Variants in RAB3C observed in about 807,000 individuals in gnomAD.
RAB3C encodes ras-related protein Rab-3C.
Under a neutral mutation model 26.4 loss-of-function variants are expected in RAB3C, and 17 were observed. That is an observed-to-expected ratio of 0.64 (90% CI 0.44 to 0.97). RAB3C has a LOEUF of 0.97. Among genes scored for constraint, RAB3C ranks in the 50% least tolerant of loss-of-function variants. The pLI is 0.00. For missense variants in RAB3C, 242 were observed against 281.9 expected (o/e 0.86, Z 1.01); for synonymous variants, 91 against 95.9 (o/e 0.95, Z 0.30).
chr5:58,835,433 G>A (rs1454135231), intron 4 of RAB3C, among the ~76,000 whole-genome samples: 2 of 152,138 alleles, frequency 1.3e-5, no homozygotes, highest in Non-Finnish European at 2.9e-5. Flanking sequence ...ATTATGAAGA[G>A]CTTCCAAAGC....
At chr5:58,813,464 G>T (rs1369132776) in intron 3 of RAB3C, among the ~76,000 whole-genome samples, 2 of 151,704 alleles carry the variant, frequency 1.3e-5, no homozygotes, top group Non-Finnish European at 2.9e-5. Context: ...GCACGCTGCA[G>T]GTTGGGTATC....
chr5:58,622,679 G>T (rs1746962645), intron 2 of RAB3C, among the ~76,000 whole-genome samples: 1 of 152,174 alleles, frequency 6.6e-6, no homozygotes, highest in Non-Finnish European at 1.5e-5. Context: ...ATCAAGCCCA[G>T]TGCTGACCCA....
chr5:58,623,305 T>C (rs1746973345), intron 2 of RAB3C, among the ~76,000 whole-genome samples: 1 of 152,202 alleles, frequency 6.6e-6, no homozygotes, highest in Non-Finnish European at 1.5e-5. Context: ...CTATAATCTT[T>C]GCATTTGGTG....
intron 2 of RAB3C, among the ~76,000 whole-genome samples, chr5:58,647,885 C>A (rs1304347718): frequency 6.6e-6 from 1 of 152,198 alleles, no homozygotes; most frequent in Non-Finnish European, 1.5e-5. Flanking sequence ...CTTTGACACT[C>A]TTGTTCTCTT....
chr5:58,845,679 T>C (rs1390317662), intron 4 of RAB3C, among the ~76,000 whole-genome samples: 2 of 146,850 alleles, frequency 1.4e-5, no homozygotes, highest in Admixed American at 1.4e-4. Context: ...TATATGTATA[T>C]ATGTGTATAT....
At chr5:58,611,936 ATCT>A (rs1227263211) in intron 1 of RAB3C, among the ~76,000 whole-genome samples, 5 of 152,004 alleles carry the variant, frequency 3.3e-5, no homozygotes, top group Non-Finnish European at 7.4e-5. Flanking sequence ...TCCAGTTTCA[ATCT>A]TCTGCATACT....
At chr5:58,764,485 A>T (rs1741857895) in intron 3 of RAB3C, among the ~76,000 whole-genome samples, 1 of 152,144 alleles carries the variant, frequency 6.6e-6, no homozygotes, top group Non-Finnish European at 1.5e-5. Context: ...AGTGGTTCTG[A>T]CTCACTGAGA....
At chr5:58,693,170 T>C (rs1405658442) in intron 2 of RAB3C, among the ~76,000 whole-genome samples, 1 of 146,864 alleles carries the variant, frequency 6.8e-6, no homozygotes, top group East Asian at 2.0e-4. Context: ...ATAAATTATA[T>C]AAATATAATT....
chr5:58,653,645 GC>G, intron 2 of RAB3C, among the ~76,000 whole-genome samples: 1 of 152,270 alleles, frequency 6.6e-6, no homozygotes, highest in South Asian at 2.1e-4. Context: ...CGTGTCCTTT[GC>G]AGGAATATGG....
chr5:58,596,896 T>C (rs1236541837), intron 1 of RAB3C, among the ~76,000 whole-genome samples: 2 of 96,038 alleles, frequency 2.1e-5, no homozygotes, highest in African/African-American at 4.5e-5. Flanking sequence ...TAATATATAA[T>C]ATTATATTTT....
intron 1 of RAB3C, among the ~76,000 whole-genome samples, chr5:58,586,104 G>C (rs1746001907): frequency 6.6e-6 from 1 of 151,844 alleles, no homozygotes; most frequent in Admixed American, 6.6e-5. Flanking sequence ...CTGTGACTTA[G>C]ATTTCATTGT....
chr5:58,705,821 G>A (rs898842382), intron 2 of RAB3C, among the ~76,000 whole-genome samples: 1 of 152,014 alleles, frequency 6.6e-6, no homozygotes, highest in Non-Finnish European at 1.5e-5. Flanking sequence ...CTTGTTTCTG[G>A]AAATGAAGCA....
At chr5:58,850,071 T>G (rs188883982) in intron 4 of RAB3C, among the ~76,000 whole-genome samples, 16 of 152,292 alleles carry the variant, frequency 1.1e-4, no homozygotes, top group African/African-American at 3.8e-4. Context: ...GTCCCCTGAA[T>G]GGACCAGAGC....
intron 1 of RAB3C, among the ~76,000 whole-genome samples, chr5:58,612,520 GTATATATATATATATATATA>G (rs200928384): frequency 6.3e-5 from 5 of 79,188 alleles, no homozygotes; most frequent in East Asian, 2.9e-4. Context: ...GTGTGTGTGT[GTATATATATATATATATATA>G]TATATATGTA....
At chr5:58,674,858 T>G (rs1355649095) in intron 2 of RAB3C, among the ~76,000 whole-genome samples, 1 of 139,800 alleles carries the variant, frequency 7.2e-6, no homozygotes, top group East Asian at 2.0e-4. Flanking sequence ...GAAACATACA[T>G]AAAAAAAAAA....
chr5:58,620,918 C>T (rs940316476), intron 2 of RAB3C, among the ~76,000 whole-genome samples: 14 of 151,548 alleles, frequency 9.2e-5, no homozygotes, highest in African/African-American at 2.7e-4. Context: ...TATAGGCATT[C>T]CTATGATAAT....
At chr5:58,761,562 G>C (rs1741797827) in intron 3 of RAB3C, among the ~76,000 whole-genome samples, 2 of 152,092 alleles carry the variant, frequency 1.3e-5, no homozygotes, top group Non-Finnish European at 2.9e-5. Context: ...AGCTAAGCTT[G>C]TATCTCTTCA....
intron 2 of RAB3C, among the ~76,000 whole-genome samples, chr5:58,699,654 A>C (rs1190173941): frequency 1.3e-5 from 2 of 151,884 alleles, no homozygotes; most frequent in African/African-American, 4.8e-5. Context: ...TTGTTTACCT[A>C]CTCAAGCCTC....
At chr5:58,723,549 G>A (rs755496341) in intron 2 of RAB3C, among the ~76,000 whole-genome samples, 2 of 151,810 alleles carry the variant, frequency 1.3e-5, no homozygotes, top group Non-Finnish European at 2.9e-5. Context: ...CACAAATTGG[G>A]AAAGAGTTGT....
Sources: allele counts gnomAD v4.1 joint callset (sites outside exome capture counted in the v4.1 genomes callset), GRCh38; gene constraint gnomAD v4.1.1; transcripts MANE v1.5; gene names NCBI Gene and HGNC (gene_info 2026-07-23, HGNC 2026-07-21).